Variants in GALNTL6 observed in about 807,000 individuals in gnomAD.
GALNTL6 encodes the protein polypeptide N-acetylgalactosaminyltransferase like 6, also known as polypeptide N-acetylgalactosaminyltransferase-like 6.
In GALNTL6, 46 loss-of-function variants were observed where a neutral mutation model predicts 73.7. The observed-to-expected ratio is 0.62, with a 90% CI of 0.49 to 0.80. The LOEUF is 0.80. GALNTL6 is among the 30% of genes least tolerant of loss of function. The pLI is 0.00. For synonymous variants in GALNTL6, 259 were observed against 263.7 expected, an observed-to-expected ratio of 0.98 and a Z score of 0.17; for missense variants, 604 against 755.0, an observed-to-expected ratio of 0.80 and a Z score of 2.34.
At chr4:172,679,178 A>G (rs1317048672) in intron 5 of GALNTL6, among the ~76,000 whole-genome samples, 1 of 152,180 alleles carries the variant, frequency 6.6e-6, no homozygotes, top group Admixed American at 6.5e-5. Flanking sequence ...TCGGGAGGCC[A>G]AGGTGGGCAG....
At chr4:172,079,289 A>C (rs1422837865) in intron 2 of GALNTL6, among the ~76,000 whole-genome samples, 2 of 152,040 alleles carry the variant, frequency 1.3e-5, no homozygotes, top group Non-Finnish European at 2.9e-5. Flanking sequence ...GATAATGTAG[A>C]TTTGGATAAT....
At chr4:172,982,783 ATTT>A in intron 10 of GALNTL6, among the ~76,000 whole-genome samples, 1 of 152,218 alleles carries the variant, frequency 6.6e-6, no homozygotes, top group East Asian at 1.9e-4. Flanking sequence ...TACGAAAAAA[ATTT>A]TTTTTCCAAA....
chr4:172,273,973 A>G (rs1738746998), intron 3 of GALNTL6, among the ~76,000 whole-genome samples: 1 of 152,226 alleles, frequency 6.6e-6, no homozygotes, highest in South Asian at 2.1e-4. Context: ...TCTTTTATCC[A>G]TAATTCCAAA....
chr4:172,096,068 C>G (rs1051172273), intron 2 of GALNTL6, among the ~76,000 whole-genome samples: 6 of 124,334 alleles, frequency 4.8e-5, no homozygotes, highest in Non-Finnish European at 8.5e-5. Flanking sequence ...TTTTCGATTT[C>G]TCTCTCTCTC....
intron 5 of GALNTL6, among the ~76,000 whole-genome samples, chr4:172,695,762 A>G (rs898302851): frequency 2.6e-5 from 4 of 152,184 alleles, no homozygotes; most frequent in African/African-American, 9.7e-5. Context: ...CCTGGCTAAC[A>G]TGGTGAAACC....
chr4:172,733,226 G>A (rs1258422676), intron 5 of GALNTL6, among the ~76,000 whole-genome samples: 1 of 152,074 alleles, frequency 6.6e-6, no homozygotes, highest in Non-Finnish European at 1.5e-5. Flanking sequence ...TTTTTTCTTT[G>A]AACACTTTGA....
At chr4:171,958,034 A>T (rs1198580751) in intron 2 of GALNTL6, among the ~76,000 whole-genome samples, 3 of 152,180 alleles carry the variant, frequency 2.0e-5, no homozygotes, top group Non-Finnish European at 1.5e-5. Context: ...TGTGTAAGTA[A>T]TATGGCCTCA....
chr4:173,012,080 CTG>C (rs1346826634), intron 11 of GALNTL6, among the ~76,000 whole-genome samples: 2 of 152,162 alleles, frequency 1.3e-5, no homozygotes, highest in African/African-American at 4.8e-5. Context: ...ACCCTTTTCA[CTG>C]TTTTAATTTT....
chr4:172,349,682 A>G (rs1402069128), intron 5 of GALNTL6, among the ~76,000 whole-genome samples: 1 of 152,084 alleles, frequency 6.6e-6, no homozygotes, highest in East Asian at 1.9e-4. Flanking sequence ...GAGGTTGCCT[A>G]GTATCTATAT....
At chr4:171,837,556 T>C (rs1735125860) in intron 2 of GALNTL6, among the ~76,000 whole-genome samples, 2 of 147,418 alleles carry the variant, frequency 1.4e-5, no homozygotes, top group Non-Finnish European at 3.0e-5. Context: ...AAAAAATATA[T>C]AAATACATAT....
intron 3 of GALNTL6, among the ~76,000 whole-genome samples, chr4:172,293,086 TA>T (rs1416966497): frequency 6.6e-6 from 1 of 152,230 alleles, no homozygotes; most frequent in Non-Finnish European, 1.5e-5. Flanking sequence ...CTTCTTATTA[TA>T]AAACTTTCAT....
At chr4:172,404,282 A>G (rs1315065280) in intron 5 of GALNTL6, among the ~76,000 whole-genome samples, 1 of 151,904 alleles carries the variant, frequency 6.6e-6, no homozygotes, top group African/African-American at 2.4e-5. Context: ...GATTATTACA[A>G]CTCTAAAGGG....
intron 2 of GALNTL6, among the ~76,000 whole-genome samples, chr4:171,906,137 T>C (rs1204146183): frequency 6.6e-6 from 1 of 151,410 alleles, no homozygotes; most frequent in Admixed American, 6.6e-5. Flanking sequence ...AAGAAATAAC[T>C]AAAATCAGAG....
intron 4 of GALNTL6, among the ~76,000 whole-genome samples, chr4:172,336,441 T>G (rs1228883555): frequency 6.7e-6 from 1 of 149,522 alleles, no homozygotes; most frequent in Non-Finnish European, 1.5e-5. Flanking sequence ...CCAGCTAATT[T>G]TTTTTTTTTT....
intron 5 of GALNTL6, among the ~76,000 whole-genome samples, chr4:172,390,445 G>GAA (rs1743623852): frequency 6.6e-6 from 1 of 152,180 alleles, no homozygotes; most frequent in Non-Finnish European, 1.5e-5. Context: ...ATAAACAATT[G>GAA]ATAAGTTTTA....
chr4:172,884,411 A>T (rs994172974), intron 8 of GALNTL6, among the ~76,000 whole-genome samples: 3 of 152,134 alleles, frequency 2.0e-5, no homozygotes, highest in African/African-American at 7.2e-5. Flanking sequence ...GGCCATTTGT[A>T]TGTCTTCTTT....
intron 5 of GALNTL6, among the ~76,000 whole-genome samples, chr4:172,768,028 C>T (rs184617568): frequency 1.4e-4 from 21 of 152,190 alleles, no homozygotes; most frequent in African/African-American, 2.6e-4. Flanking sequence ...ATTATTCTCA[C>T]GTTGCACACA....
intron 5 of GALNTL6, among the ~76,000 whole-genome samples, chr4:172,528,963 A>ATATATATATATATATG (rs1350827830): frequency 2.0e-4 from 6 of 30,232 alleles, no homozygotes; most frequent in Admixed American, 1.3e-3. Flanking sequence ...ATATATATAT[A>ATATATATATATATATG]TGTGTGTGTA....
intron 2 of GALNTL6, among the ~76,000 whole-genome samples, chr4:171,999,912 A>T (rs1027815395): frequency 3.9e-5 from 6 of 152,174 alleles, no homozygotes; most frequent in African/African-American, 1.2e-4. Context: ...ACCGATATTC[A>T]TAATATGTAA....
Sources: allele counts gnomAD v4.1 joint callset (sites outside exome capture counted in the v4.1 genomes callset), GRCh38; gene constraint gnomAD v4.1.1; transcripts MANE v1.5; gene names NCBI Gene and HGNC (gene_info 2026-07-23, HGNC 2026-07-21).